VAPA: variants seen among roughly 807,000 people sequenced by gnomAD.
VAPA encodes vesicle-associated membrane protein-associated protein A.
VAPA carries 6 observed loss-of-function variants against 25.6 expected under a neutral mutation model. The observed-to-expected ratio is 0.23, with a 90% CI of 0.13 to 0.46. The LOEUF is 0.46. Ranked by LOEUF, VAPA falls within the 20% of genes least tolerant of loss-of-function variation. The probability of loss-of-function intolerance (pLI) is 0.99; values close to 1 mark genes in which losing one functional copy is unlikely to be tolerated. For synonymous variants in VAPA, 112 were observed against 106.2 expected, an observed-to-expected ratio of 1.05 and a Z score of -0.34; for missense variants, 244 against 302.1, an observed-to-expected ratio of 0.81 and a Z score of 1.43.
chr18:9,924,719 TCA>T (rs1302102555), intron 1 of VAPA, among the ~76,000 whole-genome samples: 2 of 152,152 alleles, frequency 1.3e-5, no homozygotes, highest in Non-Finnish European at 2.9e-5. Context: ...GTAAAGTTAA[TCA>T]CAATGTCACA....
intron 2 of VAPA, among the ~76,000 whole-genome samples, chr18:9,933,360 T>C (rs1046978658): frequency 6.6e-6 from 1 of 152,062 alleles, no homozygotes; most frequent in South Asian, 2.1e-4. Flanking sequence ...GAAAAAGATG[T>C]TTTAGTGAGT....
At chr18:9,915,443 T>C (rs965237757) in intron 1 of VAPA, among the ~76,000 whole-genome samples, 3 of 151,254 alleles carry the variant, frequency 2.0e-5, no homozygotes, top group Non-Finnish European at 2.9e-5. Flanking sequence ...AGATTTTTAT[T>C]TTTTTTCTTT....
chr18:9,928,954 G>A (rs1038726211), intron 1 of VAPA, among the ~76,000 whole-genome samples: 3 of 152,120 alleles, frequency 2.0e-5, no homozygotes, highest in African/African-American at 4.8e-5. Flanking sequence ...AGAATATGCC[G>A]TTTTAGGGCA....
intron 2 of VAPA, 36 bp downstream of exon 2, chr18:9,931,998 A>G (rs2069260258): frequency 1.4e-6 from 2 of 1,452,960 alleles, no homozygotes; most frequent in South Asian, 1.3e-5. Context: ...GTACATTTGA[A>G]TTTTGACCTT....
intron 4 of VAPA, among the ~76,000 whole-genome samples, chr18:9,941,419 T>C (rs2069365197): frequency 1.3e-5 from 2 of 152,178 alleles, no homozygotes; most frequent in African/African-American, 2.4e-5. Flanking sequence ...TGAAGTCTTA[T>C]GATAGTACAA....
chr18:9,935,988 C>T, intron 2 of VAPA, 122 bp from the exon 3 acceptor site: 1 of 555,772 alleles, frequency 1.8e-6, no homozygotes, highest in East Asian at 3.3e-5. Context: ...AGGAATGATA[C>T]TATTGCCAGA....
At chr18:9,944,644 T>C (rs1171968140) in intron 4 of VAPA, among the ~76,000 whole-genome samples, 2 of 152,250 alleles carry the variant, frequency 1.3e-5, no homozygotes, top group African/African-American at 2.4e-5. Flanking sequence ...TAAAACAATG[T>C]AAGGCTGGCA....
chr18:9,928,913 GTT>G (rs989345314), intron 1 of VAPA, among the ~76,000 whole-genome samples: 1 of 152,128 alleles, frequency 6.6e-6, no homozygotes, highest in Non-Finnish European at 1.5e-5. Context: ...AGTACTGACA[GTT>G]TTCTTAACAT....
intron 1 of VAPA, among the ~76,000 whole-genome samples, chr18:9,917,440 A>G (rs1196146539): frequency 6.6e-6 from 1 of 152,034 alleles, no homozygotes; most frequent in Non-Finnish European, 1.5e-5. Context: ...ACAGGCATGC[A>G]CTACCATGCC....
intron 4 of VAPA, among the ~76,000 whole-genome samples, chr18:9,944,076 C>G (rs1419420061): frequency 6.6e-6 from 1 of 151,664 alleles, no homozygotes; most frequent in Non-Finnish European, 1.5e-5. Context: ...GTGTCAATCT[C>G]CTGACCTTGT....
intron 5 of VAPA, 65 bp downstream of exon 5, chr18:9,950,633 G>A: frequency 6.5e-7 from 1 of 1,535,552 alleles, no homozygotes; most frequent in Non-Finnish European, 8.8e-7. Flanking sequence ...AGTGTTATTA[G>A]GCCATTTTAG....
Position 9,954,279 on chromosome 18 carries a change from A to G in VAPA, c.*68A>G, listed in dbSNP as rs2069521027. 8 of 1,440,908 alleles carry G rather than the reference A, an allele frequency of 5.6e-6. No individual in the cohort carries two copies. Among genetic ancestry groups the G allele is most frequent in the East Asian group, 2.3e-5 (1 of 44,054 alleles). The allele number at this position is 1,440,908 out of a possible 1,614,324, so 89.3% of individuals were successfully genotyped here. ...TGACCAGAAAAAGATTTGTTTACCT[A>G]CCATTTCATTGGTAGTATGGCCCAC... is the stretch of plus-strand genomic sequence containing the variant. On this transcript the variant is annotated 3_prime_UTR_variant, in exon 6 of 6. Coordinates refer to ENST00000400000, the MANE Select transcript of VAPA (RefSeq NM_194434.3).
chr18:9,924,823 A>T (rs1313569181), intron 1 of VAPA: 1 of 152,122 alleles, frequency 6.6e-6, no homozygotes, highest in Non-Finnish European at 1.5e-5. Flanking sequence ...GATTTACCCA[A>T]GGTCCATCAG....
chr18:9,914,472 C>T (rs1288795366), intron 1 of VAPA, 137 bp downstream of exon 1: 3 of 693,406 alleles, frequency 4.3e-6, no homozygotes, highest in Admixed American at 4.5e-5. Context: ...CCTTCCCTTT[C>T]CCGGCTGCTT....
intron 1 of VAPA, chr18:9,924,009 A>G (rs1034310758): frequency 3.9e-5 from 6 of 155,070 alleles, no homozygotes; most frequent in African/African-American, 1.4e-4. Flanking sequence ...GAGATATTAT[A>G]AAGCCAATAA....
intron 4 of VAPA, chr18:9,948,002 G>T (rs1004862290): frequency 6.6e-6 from 1 of 152,168 alleles, no homozygotes; most frequent in African/African-American, 2.4e-5. Context: ...GGCCTAGGTA[G>T]TATGTGATAT....
intron 4 of VAPA, among the ~76,000 whole-genome samples, chr18:9,941,959 A>G (rs1485592123): frequency 2.6e-5 from 4 of 152,234 alleles, no homozygotes; most frequent in African/African-American, 9.6e-5. Flanking sequence ...TGATTGTGAT[A>G]TAGAGAATTC....
chr18:9,939,438 A>AG (rs1339980975), intron 4 of VAPA, among the ~76,000 whole-genome samples: 1 of 151,738 alleles, frequency 6.6e-6, no homozygotes, highest in Admixed American at 6.6e-5. Flanking sequence ...TACAGGTGTG[A>AG]GCCACCCTGC....
intron 2 of VAPA, among the ~76,000 whole-genome samples, chr18:9,935,755 T>C (rs899220706): frequency 1.3e-5 from 2 of 152,360 alleles, no homozygotes; most frequent in East Asian, 3.9e-4. Flanking sequence ...GGCAAAGTTT[T>C]GAAAATTTTC....
Sources: gnomAD v4.1 joint callset for allele counts (sites outside exome capture counted in the v4.1 genomes callset) on GRCh38, gnomAD v4.1.1 for gene constraint, MANE v1.5 for transcripts, NCBI Gene and HGNC (gene_info 2026-07-23, HGNC 2026-07-21) for gene names.